Variants in SIPA1L2 observed in about 807,000 individuals in gnomAD.
SIPA1L2 encodes signal induced proliferation associated 1 like 2, also known as signal-induced proliferation-associated 1-like protein 2.
In SIPA1L2, 56 loss-of-function variants were observed where a neutral mutation model predicts 163.9. The observed-to-expected ratio is 0.34, with a 90% CI of 0.28 to 0.43. The LOEUF is 0.43. Ranked by LOEUF, SIPA1L2 falls within the 20% of genes least tolerant of loss-of-function variation. The pLI is 1.00. For synonymous variants in SIPA1L2, 877 were observed against 865.7 expected (o/e 1.01, Z -0.23); for missense variants, 1,974 against 2,193.5 (o/e 0.90, Z 2.00).
At chr1:232,594,059 C>A (rs1327115843) in intron 1 of SIPA1L2, among the ~76,000 whole-genome samples, 1 of 152,078 alleles carries the variant, frequency 6.6e-6, no homozygotes, top group Non-Finnish European at 1.5e-5. Flanking sequence ...TGACCTTAGC[C>A]CCCTATTAAA....
chr1:232,577,146 T>C (rs1221619617), intron 1 of SIPA1L2, among the ~76,000 whole-genome samples: 4 of 152,240 alleles, frequency 2.6e-5, no homozygotes, highest in African/African-American at 9.6e-5. Flanking sequence ...TTGAAACTCA[T>C]GCTTAGTTAC....
rs879746 is a variant in SIPA1L2 at position 232,470,406 on chromosome 1, A to G, written c.2243+965T>C. ...CAGGGTAAGAACTGATGGTTTTCAG[A>G]CTTTGTTCTAAGATGGCTTGGGCAT... On this transcript the variant is annotated intron_variant, in intron 8 of 22. Transcript: ENST00000674635. Among the ~76,000 whole-genome samples the G allele has an allele frequency of 0.036, 5,499 of 152,182 alleles. 946 individuals carry two copies. The East Asian group carries it at 0.56, about 16-fold the overall frequency.
intron 2 of SIPA1L2, among the ~76,000 whole-genome samples, chr1:232,523,049 T>C (rs1351079704): frequency 6.6e-6 from 1 of 152,234 alleles, no homozygotes; most frequent in East Asian, 1.9e-4. Context: ...GGAAGCACTA[T>C]TCTCTTCCCA....
intron 9 of SIPA1L2, among the ~76,000 whole-genome samples, chr1:232,463,805 C>T (rs1664367303): frequency 6.6e-6 from 1 of 152,178 alleles, no homozygotes; most frequent in Non-Finnish European, 1.5e-5. Flanking sequence ...CTTATCTAGG[C>T]TTGCTCACGT....
At chr1:232,550,322 C>T (rs901799857) in intron 2 of SIPA1L2, among the ~76,000 whole-genome samples, 1 of 152,074 alleles carries the variant, frequency 6.6e-6, no homozygotes, top group Non-Finnish European at 1.5e-5. Flanking sequence ...TAAATATGAA[C>T]GTTCTTATCC....
At chr1:232,526,812 G>T (rs1025223360) in intron 2 of SIPA1L2, among the ~76,000 whole-genome samples, 1 of 152,174 alleles carries the variant, frequency 6.6e-6, no homozygotes, top group Non-Finnish European at 1.5e-5. Flanking sequence ...GGCCAGGGCT[G>T]TGGATTTTTA....
At position 232,403,361 on chromosome 1, in the gene SIPA1L2, G is replaced by A. The variant is rs866430304; in HGVS notation, c.4940+87C>T. 60 of 1,521,372 alleles carry A rather than the reference G, an allele frequency of 3.9e-5. No homozygotes were observed. The Middle Eastern group carries it at 1.1e-3, about 28-fold the overall frequency. 94.2% of individuals were successfully genotyped at this position (1,521,372 alleles called of 1,614,324 possible). ...AGGGCATGGTGCAATATGGTCGCCC[G>A]CCTGGCTCAGGGTTAGTCGGTTAGC... is the stretch of plus-strand genomic sequence containing the variant. On this transcript the variant is annotated intron_variant, in intron 21 of 22. Coordinates refer to ENST00000674635, the MANE Select transcript of SIPA1L2 (RefSeq NM_020808.5).
chr1:232,568,386 T>C (rs1189446816), intron 2 of SIPA1L2, among the ~76,000 whole-genome samples: 2 of 152,218 alleles, frequency 1.3e-5, no homozygotes, highest in African/African-American at 4.8e-5. Context: ...ATTGCTTGCT[T>C]GGTGTGGGGG....
At chr1:232,568,790 C>T (rs1304562037) in intron 2 of SIPA1L2, among the ~76,000 whole-genome samples, 1 of 152,194 alleles carries the variant, frequency 6.6e-6, no homozygotes, top group African/African-American at 2.4e-5. Context: ...TACATGTGTT[C>T]ACTTATCCAC....
intron 19 of SIPA1L2, among the ~76,000 whole-genome samples, chr1:232,408,808 C>T (rs1660787048): frequency 6.6e-6 from 1 of 151,964 alleles, no homozygotes; most frequent in Non-Finnish European, 1.5e-5. Context: ...TCCTAAAGTC[C>T]AATATTTCCT....
At chr1:232,611,022 C>T (rs2102873849) in intron 1 of SIPA1L2, among the ~76,000 whole-genome samples, 1 of 152,186 alleles carries the variant, frequency 6.6e-6, no homozygotes, top group African/African-American at 2.4e-5. Flanking sequence ...TGGGAGGGAC[C>T]CAGTGGGAGA....
At chr1:232,601,872 A>G (rs1240910646) in intron 1 of SIPA1L2, among the ~76,000 whole-genome samples, 2 of 152,384 alleles carry the variant, frequency 1.3e-5, no homozygotes, top group African/African-American at 4.8e-5. Flanking sequence ...ATCTCATAAT[A>G]TGTTTAACAA....
intron 2 of SIPA1L2, among the ~76,000 whole-genome samples, chr1:232,538,427 T>C (rs574722357): frequency 2.0e-5 from 3 of 152,274 alleles, no homozygotes; most frequent in African/African-American, 7.2e-5. Flanking sequence ...GAATGCCTGG[T>C]GCCTCCGCAA....
intron 1 of SIPA1L2, among the ~76,000 whole-genome samples, chr1:232,607,948 G>A (rs994373525): frequency 2.0e-5 from 3 of 150,464 alleles, no homozygotes; most frequent in South Asian, 2.1e-4. Context: ...CCAGCTACTC[G>A]GGAGGCTGAG....
intron 15 of SIPA1L2, among the ~76,000 whole-genome samples, chr1:232,433,884 A>G (rs1291245052): frequency 6.6e-6 from 1 of 152,170 alleles, no homozygotes; most frequent in Non-Finnish European, 1.5e-5. Context: ...CCACTGCCAG[A>G]CCCTGGGCAA....
chr1:232,624,663 G>A (rs1662985482), intron 1 of SIPA1L2, among the ~76,000 whole-genome samples: 1 of 152,158 alleles, frequency 6.6e-6, no homozygotes, highest in Admixed American at 6.5e-5. Context: ...CTGATTTCTT[G>A]AGGAACTCAA....
Position 232,464,943 on chromosome 1 carries a change from C to T in SIPA1L2, c.2717G>A (p.Gly906Glu), listed in dbSNP as rs1427141245. The change falls in exon 9 of 23, where the codon GGA becomes GAA. Residue 906 changes from glycine (G) to glutamate (E), a missense_variant. Gly to Glu is a moderately conservative substitution (Grantham distance 98). Transcript: ENST00000674635. Reference sequence around the variant, plus strand: ...GTAAAACACTTTGATACTCACTAATCCAGATGTCCACCCAATCACATCCCT... The same window carrying T: ...GTAAAACACTTTGATACTCACTAATTCAGATGTCCACCCAATCACATCCCT... ...SCRDVIGWTS[G>E]LVSIKVFYER... 1.2e-6 allele frequency: 2 copies of T among 1,614,100 alleles called. No homozygotes were observed. Among genetic ancestry groups the T allele is most frequent in the African/African-American group, 2.7e-5 (2 of 74,934 alleles).
intron 15 of SIPA1L2, among the ~76,000 whole-genome samples, chr1:232,437,511 T>C (rs1310838681): frequency 6.6e-6 from 1 of 152,210 alleles, no homozygotes; most frequent in Non-Finnish European, 1.5e-5. Context: ...AAGCTCCCTC[T>C]GCATGGTGGA....
intron 4 of SIPA1L2, among the ~76,000 whole-genome samples, chr1:232,492,437 C>CCATGGGG (rs1665980026): frequency 6.6e-6 from 1 of 152,156 alleles, no homozygotes; most frequent in Non-Finnish European, 1.5e-5. Flanking sequence ...GCCTCAACTC[C>CCATGGGG]TGAGCTCAAG....
Sources: allele counts gnomAD v4.1 joint callset (sites outside exome capture counted in the v4.1 genomes callset), GRCh38; gene constraint gnomAD v4.1.1; transcripts MANE v1.5; gene names NCBI Gene and HGNC (gene_info 2026-07-23, HGNC 2026-07-21).